Variants in ZFAT observed in about 807,000 individuals in gnomAD.
ZFAT encodes the protein zinc finger protein ZFAT.
In ZFAT, 64 loss-of-function variants were observed where a neutral mutation model predicts 117.7. That is an observed-to-expected ratio of 0.54 (90% CI 0.44 to 0.67). The LOEUF is 0.67. Ranked by LOEUF, ZFAT falls within the 30% of genes least tolerant of loss-of-function variation. The probability of loss-of-function intolerance (pLI) is 0.00; values close to 1 mark genes in which losing one functional copy is unlikely to be tolerated. For missense variants in ZFAT, 1,433 were observed against 1,584.5 expected (o/e 0.90, Z 1.62); for synonymous variants, 679 against 615.0 (o/e 1.10, Z -1.54).
rs138822821 is a variant in ZFAT at position 134,588,417 on chromosome 8, A to G, written c.2564-22T>C. The G allele has an allele frequency of 6.7e-3, 10,388 of 1,556,642 alleles. 113 individuals carry two copies. The highest frequency in any genetic ancestry group is 0.029 in the South Asian group (2,372 of 82,970). On this transcript the variant is annotated intron_variant, in intron 8 of 15. Transcript: ENST00000377838. ...ACCTCTAGAAGAAAAGCAGGATGTC[A>G]AAAGGAGTCAGAGCACCTCAGGGGA...
intron 15 of ZFAT, among the ~76,000 whole-genome samples, chr8:134,496,266 G>C (rs186544041): frequency 6.6e-6 from 1 of 152,362 alleles, no homozygotes; most frequent in Non-Finnish European, 1.5e-5. Context: ...GAAGAGAAGT[G>C]TTTTGTCCAA....
intron 3 of ZFAT, among the ~76,000 whole-genome samples, chr8:134,622,317 C>T (rs1829176505): frequency 1.3e-5 from 2 of 152,210 alleles, no homozygotes; most frequent in African/African-American, 4.8e-5. Flanking sequence ...AGCACATTAG[C>T]ATACTTCTTT....
At chr8:134,765,155 G>A in the ZFAT span, 45 of 152,260 alleles carry the variant, frequency 3.0e-4, no homozygotes, top group Non-Finnish European at 5.1e-4. Context: ...TTTATACCCC[G>A]TTATTATTTA....
At position 134,478,679 on chromosome 8, in the gene ZFAT, G is replaced by A; in HGVS notation, c.3535C>T (p.Gln1179Ter). Residue 1179 changes from glutamine to a stop codon, truncating the protein, a stop_gained, in exon 16 of 16, where the codon CAG (glutamine) becomes TAG (stop). Transcript: ENST00000377838. LOFTEE classifies it high-confidence loss of function. This position sits in a 1 kb window ranked among gnomAD's most constrained non-coding sequence, Gnocchi z 5.2. Reference protein sequence around the residue: ...EPSSNHTVMIQETVQQASVEL... With the variant: ...EPSSNHTVMI ...ACGGACGCTTGCTGGACCGTCTCCTGGATCATGACCGTGTGGTTGGAGCTG... is the reference window on the plus strand; with the variant it reads ...ACGGACGCTTGCTGGACCGTCTCCTAGATCATGACCGTGTGGTTGGAGCTG... The A allele has an allele frequency of 6.3e-7, 1 of 1,580,984 alleles. No individual in the cohort carries two copies. The highest frequency in any genetic ancestry group is 1.8e-5 in the Admixed American group (1 of 55,628).
At chr8:134,667,806 C>A (rs1014220060) in intron 1 of ZFAT, among the ~76,000 whole-genome samples, 1 of 151,976 alleles carries the variant, frequency 6.6e-6, no homozygotes, top group Non-Finnish European at 1.5e-5. Context: ...CGAAGCAGGG[C>A]GAGGCATCAC....
chr8:134,502,584 G>C (rs11776323), intron 15 of ZFAT, among the ~76,000 whole-genome samples: 77,357 of 152,096 alleles, frequency 0.51, 20,211 homozygotes, highest in East Asian at 0.69. Flanking sequence ...GGCTCTGCCT[G>C]CTCTTCTCCC....
chr8:134,536,186 CTT>C (rs1486756418), intron 11 of ZFAT, among the ~76,000 whole-genome samples: 1 of 152,204 alleles, frequency 6.6e-6, no homozygotes, highest in Non-Finnish European at 1.5e-5. Context: ...GATTCAGTCT[CTT>C]GAGCTAGCAA....
intron 3 of ZFAT, among the ~76,000 whole-genome samples, chr8:134,615,391 G>A (rs1229681634): frequency 3.9e-5 from 6 of 152,136 alleles, no homozygotes; most frequent in Non-Finnish European, 8.8e-5. Context: ...GTTTCGCCAT[G>A]TTAGCCAGAC....
intron 2 of ZFAT, among the ~76,000 whole-genome samples, chr8:134,645,054 T>C (rs964789349): frequency 1.3e-5 from 2 of 152,144 alleles, no homozygotes; most frequent in African/African-American, 4.8e-5. Context: ...AAATTTCTTC[T>C]TGGATCACAG....
At chr8:134,807,906 T>C in the ZFAT span, among the ~76,000 whole-genome samples, 1 of 152,168 alleles carries the variant, frequency 6.6e-6, no homozygotes, top group Non-Finnish European at 1.5e-5. Context: ...TAGAAGGGTG[T>C]TTAGGACAGA....
chr8:134,727,397 C>T, the ZFAT span, among the ~76,000 whole-genome samples: 6 of 152,108 alleles, frequency 3.9e-5, no homozygotes, highest in Admixed American at 6.5e-5. Flanking sequence ...CAAGTTCATT[C>T]GTAGGCAGAG....
intron 9 of ZFAT, among the ~76,000 whole-genome samples, chr8:134,587,227 G>A (rs935756980): frequency 1.3e-5 from 2 of 152,184 alleles, no homozygotes; most frequent in East Asian, 1.9e-4. Flanking sequence ...CACTGTGACT[G>A]CCTTCTACAA....
At chr8:134,715,566 TC>T (rs1375124852), upstream of ZFAT, among the ~76,000 whole-genome samples, 1 of 152,240 alleles carries the variant, frequency 6.6e-6, no homozygotes, top group Non-Finnish European at 1.5e-5. Flanking sequence ...CTCTATTCTT[TC>T]TATTTGCCAG....
chr8:134,744,295 G>GTT, the ZFAT span, among the ~76,000 whole-genome samples: 557 of 132,090 alleles, frequency 4.2e-3, 7 homozygotes, highest in African/African-American at 0.014. Flanking sequence ...GAGGCTAAGA[G>GTT]TTTTTTTTTT....
At chr8:134,763,317 C>T in the ZFAT span, among the ~76,000 whole-genome samples, 1 of 152,152 alleles carries the variant, frequency 6.6e-6, no homozygotes, top group Non-Finnish European at 1.5e-5. Context: ...TCACTCGGTT[C>T]CCCTACAATG....
the ZFAT span, among the ~76,000 whole-genome samples, chr8:134,772,953 A>G: frequency 6.6e-6 from 1 of 152,042 alleles, no homozygotes; most frequent in Non-Finnish European, 1.5e-5. Flanking sequence ...CTAGCCTGGC[A>G]TAGCAGCATA....
At chr8:134,721,271 T>A in the ZFAT span, among the ~76,000 whole-genome samples, 1 of 152,218 alleles carries the variant, frequency 6.6e-6, no homozygotes, top group African/African-American at 2.4e-5. Flanking sequence ...CCAGTCAGCG[T>A]GCTGCTGAGC....
chr8:134,806,225 A>G, the ZFAT span, among the ~76,000 whole-genome samples: 1 of 152,164 alleles, frequency 6.6e-6, no homozygotes, highest in Admixed American at 6.5e-5. Context: ...TTGAGAAACT[A>G]TGAGAAAAGG....
At chr8:134,708,946 G>A (rs1035455105) in intron 1 of ZFAT, among the ~76,000 whole-genome samples, 5 of 152,046 alleles carry the variant, frequency 3.3e-5, no homozygotes, top group East Asian at 3.9e-4. Context: ...GCAAAACTCC[G>A]TGCCAATAAA....
Sources: gnomAD v4.1 joint callset for allele counts (sites outside exome capture counted in the v4.1 genomes callset) on GRCh38, gnomAD v4.1.1 for gene constraint, Gnocchi (gnomAD v3.1) non-coding constraint, MANE v1.5 for transcripts, NCBI Gene and HGNC (gene_info 2026-07-23, HGNC 2026-07-21) for gene names.